Variants in DMD observed in about 807,000 individuals in gnomAD.
DMD encodes dystrophin, also known as mutant dystrophin.
Under a neutral mutation model 330.1 loss-of-function variants are expected in DMD, and 63 were observed. The observed-to-expected ratio is 0.19, with a 90% CI of 0.16 to 0.24. The LOEUF (loss-of-function observed/expected upper bound fraction) is 0.24, where lower values mean the gene tolerates loss of function less well. Ranked by LOEUF, DMD falls within the 10% of genes least tolerant of loss-of-function variation. DMD has a pLI of 1.00. For synonymous variants in DMD, 1,223 were observed against 959.8 expected (o/e 1.27, Z -5.07); for missense variants, 3,344 against 2,684.1 (o/e 1.25, Z -5.43).
chrX:31,820,162 G>T, intron 49 of DMD, 79 bp from the exon 50 acceptor site: 1 of 824,329 alleles, frequency 1.2e-6, no homozygotes, highest in Non-Finnish European at 1.8e-6. Context: ...TCCATTTGGT[G>T]AATATATTAT....
chrX:32,145,551 T>C (rs1353502460), intron 44 of DMD, among the ~76,000 whole-genome samples: 1 of 112,296 alleles, frequency 8.9e-6, no homozygotes, highest in Admixed American at 9.5e-5. Context: ...GTGTTAATAG[T>C]AGAAAGAATA....
At chrX:31,888,541 C>T (rs920587037) in intron 47 of DMD, among the ~76,000 whole-genome samples, 3 of 111,705 alleles carry the variant, frequency 2.7e-5, no homozygotes, top group Non-Finnish European at 3.8e-5. Context: ...ATAAAATGCA[C>T]GTAGTATGAA....
intron 43 of DMD, among the ~76,000 whole-genome samples, chrX:32,263,062 A>T (rs767390960): frequency 5.3e-5 from 6 of 112,349 alleles, no homozygotes; most frequent in Non-Finnish European, 1.1e-4. Context: ...TAGAAAATCC[A>T]ATCTAAGATA....
At chrX:32,540,354 C>T (rs1304218793) in intron 17 of DMD, among the ~76,000 whole-genome samples, 2 of 111,407 alleles carry the variant, frequency 1.8e-5, no homozygotes, top group Non-Finnish European at 3.8e-5. Flanking sequence ...TATGTAGAAA[C>T]TGTATAATTA....
chrX:32,428,719 C>A (rs916560089), intron 29 of DMD, among the ~76,000 whole-genome samples: 1 of 111,371 alleles, frequency 9.0e-6, no homozygotes, highest in Non-Finnish European at 1.9e-5. Flanking sequence ...TCAAGCAATT[C>A]TCCCACCTCA....
intron 65 of DMD, among the ~76,000 whole-genome samples, chrX:31,209,180 G>C (rs1180802102): frequency 1.8e-5 from 2 of 111,384 alleles, no homozygotes; most frequent in African/African-American, 3.3e-5. Context: ...CACCCCTGAA[G>C]TGCATGGAAG....
chrX:31,447,805 G>A (rs755481823), intron 59 of DMD, among the ~76,000 whole-genome samples: 18 of 109,006 alleles, frequency 1.7e-4, no homozygotes, highest in Non-Finnish European at 3.0e-4. Context: ...TCAGCAGTTC[G>A]AGACCAGACT....
intron 1 of DMD, among the ~76,000 whole-genome samples, chrX:33,271,633 G>A (rs1413221122): frequency 1.9e-5 from 2 of 107,871 alleles, no homozygotes; most frequent in Non-Finnish European, 3.8e-5. Flanking sequence ...CGGGTGTGTG[G>A]CGGGTGCCTG....
At chrX:32,634,067 A>C (rs2058923684) in intron 11 of DMD, among the ~76,000 whole-genome samples, 1 of 111,529 alleles carries the variant, frequency 9.0e-6, no homozygotes, top group African/African-American at 3.3e-5. Context: ...CTGGCACCCC[A>C]CCCAAAAGAT....
chrX:32,479,290 A>G (rs987584883), intron 21 of DMD, among the ~76,000 whole-genome samples: 5 of 111,089 alleles, frequency 4.5e-5, no homozygotes, highest in Admixed American at 1.9e-4. Flanking sequence ...TGTGATGCGG[A>G]TATTAAAATC....
chrX:32,814,812 A>T (rs1342869433), intron 6 of DMD, among the ~76,000 whole-genome samples: 1 of 111,635 alleles, frequency 9.0e-6, no homozygotes, highest in East Asian at 2.8e-4. Context: ...TGCTTGCAGG[A>T]TTGAAGTCTT....
intron 44 of DMD, among the ~76,000 whole-genome samples, chrX:32,106,732 T>G (rs1344532317): frequency 8.9e-6 from 1 of 111,919 alleles, no homozygotes; most frequent in Non-Finnish European, 1.9e-5. Context: ...TCTCTACATA[T>G]CTGTATTTTT....
At chrX:32,642,945 T>C (rs1317878066) in intron 11 of DMD, among the ~76,000 whole-genome samples, 7 of 111,214 alleles carry the variant, frequency 6.3e-5, no homozygotes, top group Admixed American at 2.9e-4. Context: ...TCACTGCAAA[T>C]AGAAGTTCTA....
At chrX:32,557,966 A>C (rs1175425165) in intron 16 of DMD, among the ~76,000 whole-genome samples, 1 of 110,164 alleles carries the variant, frequency 9.1e-6, no homozygotes, top group Non-Finnish European at 1.9e-5. Context: ...TTATATTAAT[A>C]ATTAATTTAT....
At chrX:32,779,547 G>T (rs887070688) in intron 7 of DMD, among the ~76,000 whole-genome samples, 11 of 109,334 alleles carry the variant, frequency 1.0e-4, no homozygotes, top group African/African-American at 3.7e-4. Flanking sequence ...GTGTCCATGT[G>T]TTCTCATTGT....
chrX:32,785,571 T>C (rs1232547149), intron 7 of DMD, among the ~76,000 whole-genome samples: 1 of 111,652 alleles, frequency 9.0e-6, no homozygotes, highest in Non-Finnish European at 1.9e-5. Flanking sequence ...TTTCTGTTTA[T>C]GATGAATGCA....
chrX:32,204,102 T>C (rs1359122771), intron 44 of DMD, among the ~76,000 whole-genome samples: 1 of 111,779 alleles, frequency 8.9e-6, no homozygotes, highest in Admixed American at 9.5e-5. Flanking sequence ...AGTGGTATTA[T>C]TCTTTTTATT....
chrX:31,944,854 A>G (rs757240675), intron 45 of DMD, among the ~76,000 whole-genome samples: 1 of 111,202 alleles, frequency 9.0e-6, no homozygotes, highest in South Asian at 3.8e-4. Flanking sequence ...GTCAACTGGC[A>G]TAAGTAATGA....
intron 41 of DMD, among the ~76,000 whole-genome samples, chrX:32,336,048 A>G (rs975718942): frequency 5.9e-5 from 6 of 101,057 alleles, no homozygotes; most frequent in African/African-American, 8.0e-5. Context: ...TAACGTGTAT[A>G]TATAACGTTA....
Sources: allele counts gnomAD v4.1 joint callset (sites outside exome capture counted in the v4.1 genomes callset), GRCh38; gene constraint gnomAD v4.1.1; transcripts MANE v1.5; gene names NCBI Gene and HGNC (gene_info 2026-07-23, HGNC 2026-07-21).